Variants in SMG7 observed in about 807,000 individuals in gnomAD.
SMG7 encodes SMG7 nonsense mediated mRNA decay factor.
In SMG7, 34 loss-of-function variants were observed where a neutral mutation model predicts 148.2. The observed-to-expected ratio is 0.23, with a 90% CI of 0.17 to 0.31. The LOEUF (loss-of-function observed/expected upper bound fraction) is 0.31. SMG7 is among the 10% of genes least tolerant of loss of function. The pLI is 1.00. For synonymous variants in SMG7, 492 were observed against 515.1 expected (o/e 0.96, Z 0.61); for missense variants, 1,114 against 1,408.4 (o/e 0.79, Z 3.35).
intron 1 of SMG7, among the ~76,000 whole-genome samples, chr1:183,489,450 C>T (rs985945140): frequency 1.3e-5 from 2 of 152,044 alleles, no homozygotes; most frequent in African/African-American, 4.8e-5. Flanking sequence ...GACCTCACCT[C>T]CCTAAGGATG....
At position 183,549,788 on chromosome 1, in the gene SMG7, T is replaced by G. The variant is rs1670644222; in HGVS notation, c.2998T>G (p.Phe1000Val). 2 of 1,613,814 alleles carry G rather than the reference T, an allele frequency of 1.2e-6. No homozygotes were observed. The highest frequency in any genetic ancestry group is 1.7e-6 in the Non-Finnish European group (2 of 1,179,750). ...NQERYPNNSM[F>V]NEVYGKNLTS... Reference sequence around the variant, plus strand: ...GGAAAGATACCCAAATAATAGTATGTTCAATGAGGTATATGGGAAAAACCT... The same window carrying G: ...GGAAAGATACCCAAATAATAGTATGGTCAATGAGGTATATGGGAAAAACCT... The change falls in exon 20 of 23, where the codon TTC (phenylalanine) becomes GTC (valine). Residue 1000 changes from phenylalanine (F) to valine (V), a missense_variant. Physicochemically the swap from Phe to Val is conservative, Grantham distance 50. This residue lies in a region of SMG7 where 788 missense variants were observed against 894.5 expected (regional missense o/e 0.88). Transcript: ENST00000688051.
chr1:183,533,935 A>G, intron 10 of SMG7, 103 bp downstream of exon 10: 1 of 945,386 alleles, frequency 1.1e-6, no homozygotes, highest in Non-Finnish European at 1.6e-6. Flanking sequence ...GAACAATAGA[A>G]TACTGTATTT....
intron 10 of SMG7, among the ~76,000 whole-genome samples, chr1:183,534,984 A>G (rs1388288277): frequency 6.6e-6 from 1 of 152,114 alleles, no homozygotes; most frequent in Non-Finnish European, 1.5e-5. Flanking sequence ...TACTATATAC[A>G]TCTCCTTTTA....
At chr1:183,520,914 AT>A (rs1318299195) in intron 4 of SMG7, among the ~76,000 whole-genome samples, 1 of 152,104 alleles carries the variant, frequency 6.6e-6, no homozygotes, top group African/African-American at 2.4e-5. Flanking sequence ...ACTCTCTGAA[AT>A]TTTTTTAAAA....
At chr1:183,529,355 A>C (rs377332447) in intron 7 of SMG7, 43 bp from the exon 8 acceptor site, 358 of 1,600,696 alleles carry the variant, frequency 2.2e-4, no homozygotes, top group Non-Finnish European at 3.0e-4. Flanking sequence ...GTTGTAGCCA[A>C]TTTGCTGCTT....
intron 6 of SMG7, among the ~76,000 whole-genome samples, chr1:183,528,328 A>G (rs1666264714): frequency 2.0e-5 from 3 of 152,162 alleles, no homozygotes; most frequent in African/African-American, 7.2e-5. Context: ...AATTGCTTAT[A>G]GAATAATTAT....
rs1333771103 is a variant in SMG7 at position 183,545,015 on chromosome 1, C to T, written c.2073C>T (p.Val691=). 2.5e-6 allele frequency: 4 copies of T among 1,613,890 alleles called. No individual in the cohort carries two copies. The highest frequency in any genetic ancestry group is 1.7e-5 in the Admixed American group (1 of 59,998). Residue 691 remains valine, a synonymous_variant, in exon 16 of 23, where the codon GTC becomes GTT. Transcript: ENST00000688051. ...ACACCTTCCCAGCTGGTGTTTCTGT[C>T]CCAGGAACCTTTCTTCAGCCTACAG... ...SGYTFPAGVS[V]PGTFLQPTAH...
chr1:183,521,370 G>A (rs1031990973), intron 4 of SMG7, among the ~76,000 whole-genome samples: 1 of 152,060 alleles, frequency 6.6e-6, no homozygotes, highest in Non-Finnish European at 1.5e-5. Flanking sequence ...TAAGTGCTGG[G>A]ATTACAGGCG....
Position 183,553,698 on chromosome 1 carries a change from G to T in SMG7, c.*1767G>T. Reference sequence around the variant, plus strand: ...TTTTTGAAAGGTCTGAAAAGGTGAAGCCCCCTACCCAATGGCAATATGAAA... The same window carrying T: ...TTTTTGAAAGGTCTGAAAAGGTGAATCCCCCTACCCAATGGCAATATGAAA... On this transcript the variant is annotated 3_prime_UTR_variant, in exon 23 of 23. Coordinates refer to ENST00000688051, the MANE Select transcript of SMG7 (RefSeq NM_001375584.1). 1 of 153,866 alleles carries T rather than the reference G, an allele frequency of 6.5e-6. No homozygotes were observed. The highest frequency in any genetic ancestry group is 1.4e-5 in the Non-Finnish European group (1 of 70,196). The allele number at this position is 153,866 out of a possible 1,614,324, so 9.5% of individuals were successfully genotyped here.
chr1:183,521,161 G>A (rs1664683061), intron 4 of SMG7, among the ~76,000 whole-genome samples: 2 of 151,346 alleles, frequency 1.3e-5, no homozygotes, highest in East Asian at 2.0e-4. Flanking sequence ...CCACTGGAGT[G>A]CAGTGGCGCT....
chr1:183,502,804 T>A (rs1660032647), intron 1 of SMG7, among the ~76,000 whole-genome samples: 1 of 152,228 alleles, frequency 6.6e-6, no homozygotes, highest in Non-Finnish European at 1.5e-5. Flanking sequence ...GTTCTGTATG[T>A]CAGCGTGGAT....
At chr1:183,517,057 A>T (rs1663709112) in intron 3 of SMG7, among the ~76,000 whole-genome samples, 1 of 152,214 alleles carries the variant, frequency 6.6e-6, no homozygotes, top group Non-Finnish European at 1.5e-5. Context: ...ACTTAAACTG[A>T]TTCCATATAT....
At chr1:183,475,854 T>A (rs1002959905) in intron 1 of SMG7, among the ~76,000 whole-genome samples, 6 of 152,060 alleles carry the variant, frequency 3.9e-5, no homozygotes, top group Non-Finnish European at 8.8e-5. Context: ...TAGTTTGAGA[T>A]GAACTTAGTT....
chr1:183,501,208 G>A (rs1038504270), intron 1 of SMG7: 1 of 152,072 alleles, frequency 6.6e-6, no homozygotes, highest in Non-Finnish European at 1.5e-5. Flanking sequence ...ACTTACCAAG[G>A]AACAGTCCTA....
chr1:183,550,033 A>T, intron 20 of SMG7, 110 bp downstream of exon 20: 3 of 758,136 alleles, frequency 4.0e-6, no homozygotes, highest in Non-Finnish European at 6.0e-6. Flanking sequence ...GGTTATTTTT[A>T]TTTTTTGTTT....
At chr1:183,534,854 A>AG (rs1016910416) in intron 10 of SMG7, among the ~76,000 whole-genome samples, 3 of 152,174 alleles carry the variant, frequency 2.0e-5, no homozygotes, top group African/African-American at 7.2e-5. Flanking sequence ...CTCAAAAAAA[A>AG]AAAAAGAAAG....
rs1671346655 is a variant in SMG7, at chr1:183,553,314, A to G, written c.*1383A>G. 4 of 1,094,262 alleles carry G rather than the reference A, an allele frequency of 3.7e-6. No individual in the cohort carries two copies. In the South Asian group the frequency reaches 6.6e-5, roughly 18 times the overall value. 67.8% of individuals were successfully genotyped at this position (1,094,262 alleles called of 1,614,324 possible). Reference sequence around the variant, plus strand: ...CCTGGAAAAGTAATATTTTAAGGGGAAATTATGGAAACAATCTAATTGTTC... The same window carrying G: ...CCTGGAAAAGTAATATTTTAAGGGGGAATTATGGAAACAATCTAATTGTTC... On this transcript the variant is annotated 3_prime_UTR_variant, in exon 23 of 23. Coordinates refer to ENST00000688051, the MANE Select transcript of SMG7 (RefSeq NM_001375584.1).
Position 183,533,662 on chromosome 1 carries a change from A to T in SMG7, c.1007-14A>T. The T allele has an allele frequency of 1.3e-6, 2 of 1,569,390 alleles. No homozygotes were observed. Among genetic ancestry groups the T allele is most frequent in the Non-Finnish European group, 1.7e-6 (2 of 1,150,404 alleles). On this transcript the variant is annotated splice_polypyrimidine_tract_variant and intron_variant, in intron 9 of 22. Coordinates refer to ENST00000688051, the MANE Select transcript of SMG7 (RefSeq NM_001375584.1). ...CATATTTCTTATGCTTTTTGAATAC[A>T]TTTTTTTTTCAAGTGTCTTTTCTTG...
chr1:183,512,825 T>TC lies in SMG7; in HGVS notation c.30-12_30-11insC. The TC allele has an allele frequency of 6.3e-7, 1 of 1,581,760 alleles. No homozygotes were observed. The highest frequency in any genetic ancestry group is 8.5e-7 in the Non-Finnish European group (1 of 1,170,054). ...CTGATACTCTTTTTTTTTTTTTTTTTTTTCTATCTAGGCAGGCAGAAGTCC... is the reference window on the plus strand; with the variant it reads ...CTGATACTCTTTTTTTTTTTTTTTTTCTTTCTATCTAGGCAGGCAGAAGTCC... On this transcript the variant is annotated splice_polypyrimidine_tract_variant and intron_variant, in intron 1 of 22. Coordinates refer to ENST00000688051, the MANE Select transcript of SMG7 (RefSeq NM_001375584.1).
Sources: allele counts gnomAD v4.1 joint callset (sites outside exome capture counted in the v4.1 genomes callset), GRCh38; gene constraint gnomAD v4.1.1; regional missense constraint gnomAD v4.1.1; transcripts MANE v1.5; gene names NCBI Gene and HGNC (gene_info 2026-07-23, HGNC 2026-07-21).